The following AGBL4 variants were observed in gnomAD, a reference collection of about 807,000 sequenced individuals.
AGBL4 encodes AGBL carboxypeptidase 4.
AGBL4 carries 58 observed loss-of-function variants against 66.4 expected under a neutral mutation model. That is an observed-to-expected ratio of 0.87 (90% CI 0.71 to 1.09). The LOEUF (loss-of-function observed/expected upper bound fraction) is 1.09, where lower values mean the gene tolerates loss of function less well. Among genes scored for constraint, AGBL4 ranks in the 50% least tolerant of loss-of-function variants. AGBL4 has a pLI of 0.00. For missense variants in AGBL4, 579 were observed against 631.0 expected (o/e 0.92, Z 0.88); for synonymous variants, 234 against 222.9 (o/e 1.05, Z -0.44).
rs919820580 is a variant in AGBL4, at chr1:48,534,151, G to A, written c.*22C>T. ...AAAATGCATGCTCCTGTCCCCATAA[G>A]ACCTCCCAGGACTCCGTGTCTTTAA... On this transcript the variant is annotated 3_prime_UTR_variant, in exon 14 of 14. Transcript: ENST00000371839. 1.3e-6 allele frequency: 2 copies of A among 1,551,250 alleles called. No homozygotes were observed. Among genetic ancestry groups the A allele is most frequent in the African/African-American group, 2.7e-5 (2 of 72,998 alleles).
rs1035440551 is a variant in AGBL4 at position 48,690,341 on chromosome 1, G to A, written c.635-27100C>T. On this transcript the variant is annotated intron_variant, in intron 6 of 13. Coordinates refer to ENST00000371839, the MANE Select transcript of AGBL4 (RefSeq NM_032785.4). ...TGATTTGGAGGATGGGGTGGGGGGC[G>A]CAGAGACTCTCAGTTTTATCATGTA... Among the ~76,000 whole-genome samples the A allele has an allele frequency of 5.9e-5, 9 of 152,084 alleles. No individual in the cohort carries two copies. The South Asian group carries it at 8.3e-4, about 14-fold the overall frequency.
At chr1:49,527,217 T>A (rs553624424) in intron 3 of AGBL4, 1 of 152,192 alleles carries the variant, frequency 6.6e-6, no homozygotes, top group Non-Finnish European at 1.5e-5. Flanking sequence ...GAGAACATTG[T>A]ACTCTTTCTC....
chr1:48,849,711 G>A (rs764046361), intron 6 of AGBL4, among the ~76,000 whole-genome samples: 4 of 152,250 alleles, frequency 2.6e-5, no homozygotes, highest in South Asian at 4.1e-4. Flanking sequence ...GGTGGCTCAC[G>A]CCTGTAATCC....
At chr1:49,630,583 G>A (rs916345125) in intron 3 of AGBL4, among the ~76,000 whole-genome samples, 2 of 152,152 alleles carry the variant, frequency 1.3e-5, no homozygotes, top group Admixed American at 6.6e-5. Context: ...GTACACCCAA[G>A]TAAATTAATT....
chr1:49,223,287 G>C (rs1259960812), intron 4 of AGBL4, among the ~76,000 whole-genome samples: 1 of 152,168 alleles, frequency 6.6e-6, no homozygotes, highest in Non-Finnish European at 1.5e-5. Flanking sequence ...CACAGAAGGG[G>C]AGAGGAAGCA....
chr1:48,601,764 A>G lies in AGBL4; in HGVS notation c.952-10779T>C, dbSNP rs377095220. Among the ~76,000 whole-genome samples the G allele has an allele frequency of 3.2e-4, 49 of 152,258 alleles. No homozygotes were observed. The South Asian group carries it at 9.3e-3, about 29-fold the overall frequency. ...ATCTCACAACAAATTATGAGTTGAG[A>G]TGGGATTCGAGCTTACATCTCACCA... On this transcript the variant is annotated intron_variant, in intron 9 of 13. Transcript: ENST00000371839.
chr1:49,887,618 C>A (rs545754746), intron 1 of AGBL4, among the ~76,000 whole-genome samples: 1 of 151,948 alleles, frequency 6.6e-6, no homozygotes, highest in African/African-American at 2.4e-5. Context: ...ATAGAAAGAC[C>A]CTTCTGGCAG....
intron 1 of AGBL4, among the ~76,000 whole-genome samples, chr1:49,956,798 G>A (rs894525382): frequency 4.6e-5 from 7 of 151,826 alleles, no homozygotes; most frequent in South Asian, 2.1e-4. Context: ...ATGACTTTTG[G>A]ATCAATTAAT....
intron 5 of AGBL4, among the ~76,000 whole-genome samples, chr1:48,992,911 A>G (rs1660720732): frequency 6.6e-6 from 1 of 152,134 alleles, no homozygotes; most frequent in South Asian, 2.1e-4. Flanking sequence ...GCAGGTCTAG[A>G]AATGCCAACC....
At chr1:48,665,742 G>A (rs187807285) in intron 6 of AGBL4, among the ~76,000 whole-genome samples, 6 of 151,136 alleles carry the variant, frequency 4.0e-5, no homozygotes, top group Admixed American at 2.0e-4. Context: ...AAACTGAGCC[G>A]CTGTCTTAGT....
intron 4 of AGBL4, among the ~76,000 whole-genome samples, chr1:49,146,928 G>A (rs1332928723): frequency 6.6e-6 from 1 of 152,228 alleles, no homozygotes; most frequent in Non-Finnish European, 1.5e-5. Context: ...GAAGTAAAAG[G>A]ACTGGGCATG....
At chr1:49,263,541 TTACTC>T (rs1366778340) in intron 3 of AGBL4, among the ~76,000 whole-genome samples, 1 of 152,096 alleles carries the variant, frequency 6.6e-6, no homozygotes, top group Non-Finnish European at 1.5e-5. Flanking sequence ...GAATAGATGA[TTACTC>T]CACTAGCAGT....
intron 2 of AGBL4, among the ~76,000 whole-genome samples, chr1:49,779,569 G>C (rs1388564533): frequency 2.0e-5 from 3 of 152,070 alleles, no homozygotes; most frequent in African/African-American, 7.2e-5. Flanking sequence ...CCGCAGCTGA[G>C]GTCCCCCAAT....
intron 3 of AGBL4, among the ~76,000 whole-genome samples, chr1:49,629,793 T>TC (rs1022566985): frequency 3.9e-5 from 6 of 152,004 alleles, no homozygotes; most frequent in Non-Finnish European, 8.8e-5. Context: ...TATTACGGGG[T>TC]CCTCCCTCCA....
chr1:48,552,924 G>A (rs990659163), intron 11 of AGBL4, among the ~76,000 whole-genome samples: 2 of 151,928 alleles, frequency 1.3e-5, no homozygotes, highest in Admixed American at 6.6e-5. Flanking sequence ...TACTTTGGCA[G>A]GGAAGAGTGT....
At chr1:49,947,922 A>G (rs1295912757) in intron 1 of AGBL4, among the ~76,000 whole-genome samples, 1 of 132,786 alleles carries the variant, frequency 7.5e-6, no homozygotes, top group Non-Finnish European at 1.5e-5. Context: ...GAATCAAATC[A>G]AGAACTCAAC....
At chr1:49,282,725 G>C (rs1285766018) in intron 3 of AGBL4, among the ~76,000 whole-genome samples, 2 of 152,218 alleles carry the variant, frequency 1.3e-5, no homozygotes, top group Non-Finnish European at 2.9e-5. Flanking sequence ...CAAGGGGTCA[G>C]GGAGTTCCCT....
At chr1:49,988,201 C>A (rs1035776740) in intron 1 of AGBL4, among the ~76,000 whole-genome samples, 1 of 151,992 alleles carries the variant, frequency 6.6e-6, no homozygotes, top group South Asian at 2.1e-4. Flanking sequence ...AATTATAAAA[C>A]CTGAAGCGAA....
At chr1:49,998,429 T>C (rs996625888) in intron 1 of AGBL4, among the ~76,000 whole-genome samples, 3 of 151,970 alleles carry the variant, frequency 2.0e-5, no homozygotes, top group Non-Finnish European at 4.4e-5. Context: ...AGCAGAAAGA[T>C]TGAAATGGTA....
Sources: gnomAD v4.1 joint callset for allele counts (sites outside exome capture counted in the v4.1 genomes callset) on GRCh38, gnomAD v4.1.1 for gene constraint, MANE v1.5 for transcripts, NCBI Gene and HGNC (gene_info 2026-07-23, HGNC 2026-07-21) for gene names.